The following ZIM3 variants were observed in gnomAD, a reference collection of about 807,000 sequenced individuals.
ZIM3 encodes the protein zinc finger imprinted 3.
Under a neutral mutation model 12.9 loss-of-function variants are expected in ZIM3, and 11 were observed. The ratio of observed to expected loss-of-function variants is 0.85; its 90% CI spans 0.54 to 1.41. The LOEUF is 1.41. ZIM3 is among the 40% of genes most tolerant of loss of function. ZIM3 has a pLI of 0.00. For missense variants in ZIM3, 604 were observed against 557.2 expected, an observed-to-expected ratio of 1.08 and a Z score of -0.85; for synonymous variants, 205 against 198.5, an observed-to-expected ratio of 1.03 and a Z score of -0.28.
In ZIM3 at chr19:57,135,719, C is replaced by T; in HGVS notation, c.618G>A (p.Glu206=). 1 of 1,613,858 alleles carries T rather than the reference C, an allele frequency of 6.2e-7. No homozygotes were observed. Among genetic ancestry groups the T allele is most frequent in the Non-Finnish European group, 8.5e-7 (1 of 1,180,008 alleles). ...TCTGATGTTTATCAAGCTTCCACTTCTCCCCGAATGCTCTTCCACAGCTAT... is the reference window on the plus strand; with the variant it reads ...TCTGATGTTTATCAAGCTTCCACTTTTCCCCGAATGCTCTTCCACAGCTAT... ...ECHSCGRAFG[E]KWKLDKHQKT... is the part of the protein sequence containing the mutation. Residue 206 remains glutamate (E), a synonymous_variant, in exon 5 of 5, where the codon GAG becomes GAA. Transcript: ENST00000269834.
intron 2 of ZIM3, among the ~76,000 whole-genome samples, chr19:57,140,330 C>G (rs147164802): frequency 1.3e-5 from 2 of 152,012 alleles, no homozygotes; most frequent in Non-Finnish European, 2.9e-5. Flanking sequence ...GCGCGCACCA[C>G]GACACCTGGC....
rs2086889573 is a variant in ZIM3, at chr19:57,136,907, C to A, written c.207G>T (p.Leu69Phe). 1 of 1,614,134 alleles carries A rather than the reference C, an allele frequency of 6.2e-7. No homozygotes were observed. Among genetic ancestry groups the A allele is most frequent in the African/African-American group, 1.3e-5 (1 of 75,040 alleles). ...LRLEQGKEPW[L>F]EEEEVLGSGR... The stretch of plus-strand genomic sequence containing the variant: ...CACTTCCCAGCACTTCCTCTTCCTC[C>A]AACCATGGCTCCTTTCCTTGTTCCA... Residue 69 changes from leucine to phenylalanine, a missense_variant, in exon 4 of 5, where the codon TTG (leucine) becomes TTT (phenylalanine). Leu to Phe is a conservative substitution (Grantham distance 22). Coordinates refer to ENST00000269834, the MANE Select transcript of ZIM3 (RefSeq NM_052882.1).
intron 2 of ZIM3, among the ~76,000 whole-genome samples, chr19:57,139,594 T>TG (rs1393333047): frequency 2.7e-5 from 4 of 149,400 alleles, no homozygotes; most frequent in Non-Finnish European, 6.0e-5. Flanking sequence ...GGTGTCGTGG[T>TG]GCGCGCCTGT....
intron 2 of ZIM3, among the ~76,000 whole-genome samples, chr19:57,140,203 G>C (rs1217000058): frequency 6.6e-6 from 1 of 151,978 alleles, no homozygotes; most frequent in Non-Finnish European, 1.5e-5. Flanking sequence ...GGGGACAGAG[G>C]CTCACTCTGG....
In ZIM3 at chr19:57,136,922, T is replaced by C; in HGVS notation, c.192A>G (p.Gly64=). Residue 64 remains glycine, a synonymous_variant, in exon 4 of 5, where the codon GGA becomes GGG. Transcript: ENST00000269834. ...KPDVILRLEQ[G]KEPWLEEEEV... is the part of the protein sequence containing the mutation. ...CCTCTTCCTCCAACCATGGCTCCTT[T>C]CCTTGTTCCAACCTCAAGATCACAT... is the stretch of plus-strand genomic sequence containing the variant. The C allele has an allele frequency of 1.9e-6, 3 of 1,614,142 alleles. No individual in the cohort carries two copies. Among genetic ancestry groups the C allele is most frequent in the Non-Finnish European group, 2.5e-6 (3 of 1,180,028 alleles).
rs567279760 is a variant in ZIM3, at chr19:57,143,564, T to C, written c.-42-879A>G. On this transcript the variant is annotated intron_variant, in intron 1 of 4. Transcript: ENST00000269834. ...TGCCATAAGCGGGACAGCTGGATCA[T>C]TGGTAATTCTTTGCCAAAAGCGTAG... Among the ~76,000 whole-genome samples, 394 of 152,078 alleles carry C rather than the reference T, an allele frequency of 2.6e-3. 1 individual carries two copies. The highest frequency in any genetic ancestry group is 4.1e-3 in the Non-Finnish European group (276 of 67,968).
At position 57,145,009 on chromosome 19, in the gene ZIM3, C is replaced by T. The variant is rs1271991713; in HGVS notation, c.-193G>A. ...AATCGGCCCTCTACCCGCTGTATTC[C>T]GCATCATAATCCAGTCAAGAAACAA... On this transcript the variant is annotated 5_prime_UTR_variant, in exon 1 of 5. Transcript: ENST00000269834. 5.3e-5 allele frequency: 8 copies of T among 152,258 alleles called. No individual in the cohort carries two copies. The East Asian group carries it at 7.7e-4, about 15-fold the overall frequency. 9.4% of individuals were successfully genotyped at this position (152,258 alleles called of 1,614,324 possible).
rs987747658 is a variant in ZIM3, at chr19:57,134,117, G to C, written c.*801C>G. 1.3e-5 allele frequency: 2 copies of C among 152,152 alleles called. No homozygotes were observed. The highest frequency in any genetic ancestry group is 4.8e-5 in the African/African-American group (2 of 41,402). 9.4% of individuals were successfully genotyped at this position (152,152 alleles called of 1,614,324 possible). A position where few individuals can be genotyped will look rare whatever the true frequency, so the allele number is the denominator to read the frequency against. ...AAAGGAAAAACAAAAAAGGCAAATG[G>C]CAATTGCAGTGAAGAAATGCCAAGA... is the stretch of plus-strand genomic sequence containing the variant. On this transcript the variant is annotated 3_prime_UTR_variant, in exon 5 of 5. Coordinates refer to ENST00000269834, the MANE Select transcript of ZIM3 (RefSeq NM_052882.1).
rs1568458150 is a variant in ZIM3 at position 57,135,781 on chromosome 19, G to A, written c.556C>T (p.Leu186=). 1.9e-6 allele frequency: 3 copies of A among 1,614,022 alleles called. No individual in the cohort carries two copies. In the East Asian group the frequency reaches 6.7e-5, roughly 36 times the overall value. Residue 186 remains leucine, a synonymous_variant, in exon 5 of 5, where the codon CTG becomes TTG. Coordinates refer to ENST00000269834, the MANE Select transcript of ZIM3 (RefSeq NM_052882.1). The part of the protein sequence containing the change: ...FSSKSRLQSH[L]RRHACQKPFE... ...GGTTTTTGACAGGCATGCCTCCTCA[G>A]GTGACTTTGAAGGCGTGACTTTGAA...
rs538908689 is a variant in ZIM3, at chr19:57,142,671, C to G, written c.-28G>C. On this transcript the variant is annotated 5_prime_UTR_variant, in exon 2 of 5. Transcript: ENST00000269834. Reference sequence around the variant, plus strand: ...CCTGTTCTTCACCAGTCAGTAAAGTCTTGGGAAGGCAGATCTGAGGGAAAA... The same window carrying G: ...CCTGTTCTTCACCAGTCAGTAAAGTGTTGGGAAGGCAGATCTGAGGGAAAA... 2 of 1,610,888 alleles carry G rather than the reference C, an allele frequency of 1.2e-6. No individual in the cohort carries two copies. Among genetic ancestry groups the G allele is most frequent in the Non-Finnish European group, 1.7e-6 (2 of 1,178,962 alleles).
chr19:57,136,236 T>A, intron 4 of ZIM3, 141 bp from the exon 5 acceptor site: 1 of 754,488 alleles, frequency 1.3e-6, no homozygotes, highest in Non-Finnish European at 2.1e-6. Flanking sequence ...ATATAAGCTC[T>A]GTTAGAGTTC....
chr19:57,141,394 G>A (rs1453343166), intron 2 of ZIM3, among the ~76,000 whole-genome samples: 3 of 75,082 alleles, frequency 4.0e-5, no homozygotes, highest in Admixed American at 1.6e-4. Flanking sequence ...GAGGGAGACT[G>A]TCTCAAAAAA....
At chr19:57,144,307 C>T (rs1302712059) in intron 1 of ZIM3, among the ~76,000 whole-genome samples, 1 of 152,102 alleles carries the variant, frequency 6.6e-6, no homozygotes. Flanking sequence ...CCCTCAGCCT[C>T]CCCAAATCCT....
rs1323467828 is a variant in ZIM3, at chr19:57,136,875, G to A, written c.239C>T (p.Ala80Val). The change falls in exon 4 of 5, where the codon GCA (alanine) becomes GTA (valine). Residue 80 changes from alanine (A) to valine (V), a missense_variant and splice_region_variant. Ala to Val is a moderately conservative substitution (Grantham distance 64). Coordinates refer to ENST00000269834, the MANE Select transcript of ZIM3 (RefSeq NM_052882.1). ...EEEEVLGSGRAEKNGDIGGQI... is the reference protein window; with the variant it reads ...EEEEVLGSGRVEKNGDIGGQI... The stretch of plus-strand genomic sequence containing the variant: ...ACAGTGCTCTCCTGGTCACCTACCT[G>A]CACGGCCACTTCCCAGCACTTCCTC... 6.2e-7 allele frequency: 1 copy of A among 1,613,882 alleles called. No individual in the cohort carries two copies. The highest frequency in any genetic ancestry group is 1.1e-5 in the South Asian group (1 of 91,064).
rs1019004191 is a variant in ZIM3 at position 57,134,214 on chromosome 19, C to T, written c.*704G>A. ...CCAGTCCCCTACACCTCTAGAGAAACCTCTCCACTCATGAATTATAGAAAT... is the reference window on the plus strand; with the variant it reads ...CCAGTCCCCTACACCTCTAGAGAAATCTCTCCACTCATGAATTATAGAAAT... On this transcript the variant is annotated 3_prime_UTR_variant, in exon 5 of 5. Coordinates refer to ENST00000269834, the MANE Select transcript of ZIM3 (RefSeq NM_052882.1). The T allele has an allele frequency of 6.6e-6, 1 of 152,194 alleles. No homozygotes were observed. The highest frequency in any genetic ancestry group is 1.5e-5 in the Non-Finnish European group (1 of 68,040). 9.4% of individuals were successfully genotyped at this position (152,194 alleles called of 1,614,324 possible). A position where few individuals can be genotyped will look rare whatever the true frequency, so the allele number is the denominator to read the frequency against.
rs1380630112 is a variant in ZIM3, at chr19:57,134,914, G to A, written c.*4C>T. ...TCCCATGTTTTTTTAAGTGCATGGG[G>A]CTCCTATCTGGAGTGAATTCTTTTC... On this transcript the variant is annotated 3_prime_UTR_variant, in exon 5 of 5. Transcript: ENST00000269834. 1.2e-6 allele frequency: 2 copies of A among 1,602,086 alleles called. No homozygotes were observed. The highest frequency in any genetic ancestry group is 2.2e-5 in the East Asian group (1 of 44,718).
rs1006190412 is a variant in ZIM3, at chr19:57,142,616, T to A, written c.15+13A>T. ...TATTCATTATGAGATTTAGATTTTT[T>A]TGAAAAGCTCACCTGGGAATTGTTC... On this transcript the variant is annotated intron_variant, in intron 2 of 4. Transcript: ENST00000269834. The A allele has an allele frequency of 1.1e-5, 17 of 1,613,614 alleles. No individual in the cohort carries two copies. The highest frequency in any genetic ancestry group is 3.3e-5 in the Admixed American group (2 of 59,986).
chr19:57,144,448 AC>A (rs2122673458), intron 1 of ZIM3, among the ~76,000 whole-genome samples: 1 of 150,206 alleles, frequency 6.7e-6, no homozygotes, highest in East Asian at 1.9e-4. Flanking sequence ...CAATTCTAGC[AC>A]AAAAAATATA....
At chr19:57,136,572 G>A (rs559655742) in intron 4 of ZIM3, among the ~76,000 whole-genome samples, 15 of 151,562 alleles carry the variant, frequency 9.9e-5, no homozygotes, top group East Asian at 3.9e-4. Context: ...GCTGAGGCAG[G>A]AGAATCGTTC....
Sources: allele counts gnomAD v4.1 joint callset (sites outside exome capture counted in the v4.1 genomes callset), GRCh38; gene constraint gnomAD v4.1.1; transcripts MANE v1.5; gene names NCBI Gene and HGNC (gene_info 2026-07-23, HGNC 2026-07-21).